The following GAD2 variants were observed in gnomAD, a reference collection of about 807,000 sequenced individuals.
GAD2 encodes glutamate decarboxylase 2.
GAD2 carries 22 observed loss-of-function variants against 80.1 expected under a neutral mutation model. That is an observed-to-expected ratio of 0.27 (90% CI 0.20 to 0.39). The LOEUF (loss-of-function observed/expected upper bound fraction) is 0.39, where lower values mean the gene tolerates loss of function less well. GAD2 is among the 10% of genes least tolerant of loss of function. The pLI is 1.00. For missense variants in GAD2, 624 were observed against 738.4 expected, an observed-to-expected ratio of 0.85 and a Z score of 1.80; for synonymous variants, 274 against 256.9, an observed-to-expected ratio of 1.07 and a Z score of -0.64.
At chr10:26,246,975 A>C (rs1397127207) in intron 8 of GAD2, among the ~76,000 whole-genome samples, 2 of 152,192 alleles carry the variant, frequency 1.3e-5, no homozygotes, top group African/African-American at 4.8e-5. Context: ...AAGCTGTTAC[A>C]GGAAAGGGGT....
chr10:26,293,134 AG>A, intron 15 of GAD2, 143 bp downstream of exon 15: 1 of 624,960 alleles, frequency 1.6e-6, no homozygotes, highest in Non-Finnish European at 2.8e-6. Context: ...CTACAGAGCC[AG>A]GACATATAGA....
intron 8 of GAD2, among the ~76,000 whole-genome samples, chr10:26,265,207 T>A (rs1332909801): frequency 1.7e-5 from 1 of 59,682 alleles, no homozygotes; most frequent in African/African-American, 1.7e-4. Flanking sequence ...TCATACGACT[T>A]TTTTTTTTTT....
intron 7 of GAD2, among the ~76,000 whole-genome samples, chr10:26,231,816 C>T (rs559429600): frequency 6.6e-6 from 1 of 152,302 alleles, no homozygotes; most frequent in South Asian, 2.1e-4. Flanking sequence ...ATCTTCAGAA[C>T]CAGCAGCATA....
At chr10:26,219,365 T>C (rs1247099407) in intron 4 of GAD2, 89 bp downstream of exon 4, 1 of 845,870 alleles carries the variant, frequency 1.2e-6, no homozygotes, top group Admixed American at 3.2e-5. Context: ...TTGATGGAGT[T>C]ACTGATATTT....
At chr10:26,231,293 G>A (rs956121857) in intron 7 of GAD2, among the ~76,000 whole-genome samples, 10 of 152,026 alleles carry the variant, frequency 6.6e-5, no homozygotes, top group Admixed American at 3.9e-4. Context: ...AACCGTGGTG[G>A]GTCTCAGATC....
intron 12 of GAD2, among the ~76,000 whole-genome samples, chr10:26,285,302 G>A (rs936576121): frequency 1.3e-5 from 2 of 152,200 alleles, no homozygotes; most frequent in Non-Finnish European, 2.9e-5. Context: ...TTGTGTTTTA[G>A]TGTGGACAGT....
At chr10:26,264,607 G>A (rs748449911) in intron 8 of GAD2, among the ~76,000 whole-genome samples, 15 of 152,066 alleles carry the variant, frequency 9.9e-5, no homozygotes, top group African/African-American at 2.2e-4. Flanking sequence ...CACCATGCCC[G>A]GCCCAGATTT....
chr10:26,250,610 A>C (rs1284310113), intron 8 of GAD2, among the ~76,000 whole-genome samples: 3 of 152,210 alleles, frequency 2.0e-5, no homozygotes, highest in Non-Finnish European at 4.4e-5. Flanking sequence ...ACGAGAAAAA[A>C]GTTTGTGACG....
chr10:26,260,373 A>G (rs1418691583), intron 8 of GAD2, among the ~76,000 whole-genome samples: 1 of 152,198 alleles, frequency 6.6e-6, no homozygotes, highest in Non-Finnish European at 1.5e-5. Flanking sequence ...TCACCCCTGT[A>G]ATCCCAGCAC....
At chr10:26,265,469 C>G (rs193048732) in intron 8 of GAD2, among the ~76,000 whole-genome samples, 4 of 152,116 alleles carry the variant, frequency 2.6e-5, no homozygotes, top group Admixed American at 2.0e-4. Flanking sequence ...TCCCAAATTA[C>G]TGGGATTACA....
intron 7 of GAD2, among the ~76,000 whole-genome samples, chr10:26,235,551 T>C (rs188694049): frequency 5.3e-4 from 80 of 152,342 alleles, no homozygotes; most frequent in Middle Eastern, 3.4e-3. Context: ...ATTAAACAAC[T>C]AGTCTTTCTG....
chr10:26,235,266 G>T (rs1158021290), intron 7 of GAD2, among the ~76,000 whole-genome samples: 1 of 152,156 alleles, frequency 6.6e-6, no homozygotes, highest in East Asian at 1.9e-4. Flanking sequence ...TTGTAACTTG[G>T]CATGTTTAGA....
Position 26,217,632 on chromosome 10 carries a change from T to C in GAD2, c.99T>C (p.Ala33=), listed in dbSNP as rs759731740. 4.3e-6 allele frequency: 7 copies of C among 1,613,474 alleles called. No homozygotes were observed. In the African/African-American group the frequency reaches 9.3e-5, roughly 22 times the overall value. Residue 33 remains alanine (A), a synonymous_variant, in exon 2 of 16, where the codon GCT becomes GCC. Transcript: ENST00000376261. This position sits in a 1 kb window ranked among gnomAD's most constrained non-coding sequence, Gnocchi z 4.9. ...PGTARAWCQV[A]QKFTGGIGNK... is the part of the protein sequence containing the mutation. ...CAGCGCGAGCCTGGTGCCAAGTGGCTCAGAAGTTCACGGGCGGCATCGGAA... is the reference window on the plus strand; with the variant it reads ...CAGCGCGAGCCTGGTGCCAAGTGGCCCAGAAGTTCACGGGCGGCATCGGAA...
At chr10:26,246,721 A>C (rs1564661546) in intron 8 of GAD2, among the ~76,000 whole-genome samples, 1 of 152,198 alleles carries the variant, frequency 6.6e-6, no homozygotes, top group Non-Finnish European at 1.5e-5. Flanking sequence ...GGCTCTAGAA[A>C]AGCACCATAC....
chr10:26,226,527 C>T (rs1844525566), intron 6 of GAD2, among the ~76,000 whole-genome samples: 1 of 152,226 alleles, frequency 6.6e-6, no homozygotes, highest in East Asian at 1.9e-4. Flanking sequence ...CTACTTTCTA[C>T]AAGACATCAC....
Position 26,246,009 on chromosome 10 carries a change from G to A in GAD2, c.920+9G>A, listed in dbSNP as rs759636091. 30 of 1,611,676 alleles carry A rather than the reference G, an allele frequency of 1.9e-5. No individual in the cohort carries two copies. In the East Asian group the frequency reaches 3.1e-4, roughly 17 times the overall value. Reference sequence around the variant, plus strand: ...ATTAAATGTGATGAGAGGTGAGCACGCATCGGCAACTCTTGTTGGTTAGCA... The same window carrying A: ...ATTAAATGTGATGAGAGGTGAGCACACATCGGCAACTCTTGTTGGTTAGCA... On this transcript the variant is annotated intron_variant, in intron 8 of 15. Coordinates refer to ENST00000376261, the MANE Select transcript of GAD2 (RefSeq NM_001134366.2).
intron 9 of GAD2, among the ~76,000 whole-genome samples, 187 bp from the exon 10 acceptor site, chr10:26,270,453 T>C (rs987869114): frequency 2.6e-5 from 4 of 152,200 alleles, no homozygotes; most frequent in Non-Finnish European, 4.4e-5. Flanking sequence ...CAGCATAGCC[T>C]AGAGAACTCA....
intron 4 of GAD2, among the ~76,000 whole-genome samples, chr10:26,221,367 G>C (rs535876758): frequency 6.6e-6 from 1 of 152,310 alleles, no homozygotes; most frequent in East Asian, 1.9e-4. Context: ...TTCATGGATT[G>C]TTAAAATTAC....
intron 7 of GAD2, among the ~76,000 whole-genome samples, chr10:26,240,805 G>T (rs527552389): frequency 4.7e-4 from 71 of 151,774 alleles, no homozygotes; most frequent in African/African-American, 1.6e-3. Flanking sequence ...GCCGAGGCGG[G>T]GTGGGCGGAT....
Sources: allele counts gnomAD v4.1 joint callset (sites outside exome capture counted in the v4.1 genomes callset), GRCh38; gene constraint gnomAD v4.1.1; non-coding constraint Gnocchi (gnomAD v3.1); transcripts MANE v1.5; gene names NCBI Gene and HGNC (gene_info 2026-07-23, HGNC 2026-07-21).